The following MFN1 variants were observed in gnomAD, a reference collection of about 807,000 sequenced individuals.
The protein encoded by MFN1 is mitofusin 1.
A neutral mutation model predicts 92.4 loss-of-function variants in MFN1; 65 were observed. That is an observed-to-expected ratio of 0.70 (90% CI 0.58 to 0.86). The LOEUF is 0.86. Among genes scored for constraint, MFN1 ranks in the 40% least tolerant of loss-of-function variants. MFN1 has a pLI of 0.00. For missense variants in MFN1, 781 were observed against 868.0 expected (o/e 0.90, Z 1.26); for synonymous variants, 297 against 300.9 (o/e 0.99, Z 0.13).
chr3:179,375,266 C>CT lies in MFN1; in HGVS notation c.1023dup (p.Ile342TyrfsTer4), dbSNP rs1203510574. On this transcript the variant is annotated frameshift_variant, in exon 10 of 18. Transcript: ENST00000471841. LOFTEE classifies it high-confidence loss of function. ...GTGAAAACAAAGTTCGAACAGCACA[C>CT]TATCAGAGCTAAACAGATACTAGCT... 1 of 1,613,804 alleles carries CT rather than the reference C, an allele frequency of 6.2e-7. No individual in the cohort carries two copies. The highest frequency in any genetic ancestry group is 8.5e-7 in the Non-Finnish European group (1 of 1,179,942).
intron 5 of MFN1, 37 bp from the exon 6 acceptor site, chr3:179,364,260 A>C (rs1341728675): frequency 4.2e-6 from 6 of 1,422,200 alleles, no homozygotes; most frequent in Middle Eastern, 2.5e-4. Flanking sequence ...TTTTCTTTTT[A>C]AGAAATATAA....
At chr3:179,390,233 C>CTT in intron 17 of MFN1, 95 bp downstream of exon 17, 1 of 1,058,414 alleles carries the variant, frequency 9.4e-7, no homozygotes, top group Non-Finnish European at 1.3e-6. Flanking sequence ...TTCCTAATAG[C>CTT]TTTTTGTGTT....
intron 2 of MFN1, among the ~76,000 whole-genome samples, chr3:179,350,129 G>A (rs1462981031): frequency 6.6e-6 from 1 of 151,440 alleles, no homozygotes; most frequent in Non-Finnish European, 1.5e-5. Context: ...TCCAGCCTGG[G>A]TGACAGAGTG....
At chr3:179,376,942 T>C in intron 10 of MFN1, 100 bp from the exon 11 acceptor site, 1 of 1,134,248 alleles carries the variant, frequency 8.8e-7, no homozygotes, top group Non-Finnish European at 1.2e-6. Flanking sequence ...TTTCCTTGAG[T>C]CATGCTAATA....
intron 4 of MFN1, among the ~76,000 whole-genome samples, chr3:179,360,581 T>C (rs1050555382): frequency 6.6e-6 from 1 of 151,800 alleles, no homozygotes; most frequent in African/African-American, 2.4e-5. Context: ...GAAAAACAAA[T>C]TAGGATGCAA....
chr3:179,383,375 T>C (rs1007037043), intron 14 of MFN1, among the ~76,000 whole-genome samples: 4 of 152,252 alleles, frequency 2.6e-5, no homozygotes, highest in Middle Eastern at 3.4e-3. Flanking sequence ...GATCAGATAG[T>C]TGTAGATGTG....
At chr3:179,374,669 T>TA (rs1713168558) in intron 9 of MFN1, among the ~76,000 whole-genome samples, 1 of 152,104 alleles carries the variant, frequency 6.6e-6, no homozygotes, top group Non-Finnish European at 1.5e-5. Context: ...ATTTTTTCTA[T>TA]AAACAATTTT....
At chr3:179,357,758 A>T (rs765273802) in intron 3 of MFN1, among the ~76,000 whole-genome samples, 2 of 152,178 alleles carry the variant, frequency 1.3e-5, no homozygotes, top group Non-Finnish European at 2.9e-5. Context: ...TAGCAACTTA[A>T]CAGCCATTTT....
At position 179,392,168 on chromosome 3, in the gene MFN1, C is replaced by T. The variant is rs1713928112; in HGVS notation, c.*109C>T. ...TAAATATGAATTGTACTAACTGTAC[C>T]TAAATAGCAAAGCCCTGTGTAGATT... On this transcript the variant is annotated 3_prime_UTR_variant, in exon 18 of 18. Transcript: ENST00000471841. The T allele has an allele frequency of 1.4e-6, 1 of 695,586 alleles. No homozygotes were observed. The highest frequency in any genetic ancestry group is 2.7e-5 in the East Asian group (1 of 37,022). The allele number at this position is 695,586 out of a possible 1,614,324, so 43.1% of individuals were successfully genotyped here. A position where few individuals can be genotyped will look rare whatever the true frequency, so the allele number is the denominator to read the frequency against.
chr3:179,359,300 T>A (rs1333014847), intron 4 of MFN1, among the ~76,000 whole-genome samples: 1 of 151,250 alleles, frequency 6.6e-6, no homozygotes, highest in Non-Finnish European at 1.5e-5. Context: ...TTTGTATTTT[T>A]AGTAGAGATG....
At chr3:179,385,744 T>A in intron 15 of MFN1, 23 bp downstream of exon 15, 1 of 1,608,422 alleles carries the variant, frequency 6.2e-7, no homozygotes, top group Non-Finnish European at 8.5e-7. Flanking sequence ...ACTTTTAGTA[T>A]AATTAAAATC....
intron 16 of MFN1, among the ~76,000 whole-genome samples, chr3:179,387,584 C>CTTTTTT (rs769878779): frequency 4.9e-5 from 4 of 82,258 alleles, no homozygotes; most frequent in East Asian, 5.2e-4. Flanking sequence ...TTTGTGGTTT[C>CTTTTTT]TTTTTTTTTT....
At chr3:179,371,166 A>T (rs1414881387) in intron 9 of MFN1, among the ~76,000 whole-genome samples, 1 of 152,238 alleles carries the variant, frequency 6.6e-6, no homozygotes, top group African/African-American at 2.4e-5. Flanking sequence ...TTAGAATACT[A>T]ATTTAAGCAA....
At chr3:179,374,038 C>A (rs1713124527) in intron 9 of MFN1, among the ~76,000 whole-genome samples, 1 of 151,380 alleles carries the variant, frequency 6.6e-6, no homozygotes, top group Non-Finnish European at 1.5e-5. Context: ...CGTGGTGGCT[C>A]ACTCTTGTAA....
Position 179,377,004 on chromosome 3 carries a change from A to G in MFN1, c.1098-38A>G, listed in dbSNP as rs1254534916. On this transcript the variant is annotated intron_variant, in intron 10 of 17. Transcript: ENST00000471841. ...TTGCTGAAATGCTTTAGGACTTCAG[A>G]CTACCCTGAACGTTGATTACTCTTT... The G allele has an allele frequency of 2.5e-6, 4 of 1,604,654 alleles. No homozygotes were observed. The African/African-American group carries it at 4.0e-5, about 16-fold the overall frequency.
chr3:179,362,373 G>A lies in MFN1; in HGVS notation c.427G>A (p.Ala143Thr). The change falls in exon 5 of 18, where the codon GCC (alanine) becomes ACC (threonine). Residue 143 changes from alanine to threonine, a missense_variant. Ala to Thr is a moderately conservative substitution (Grantham distance 58). Coordinates refer to ENST00000471841, the MANE Select transcript of MFN1 (RefSeq NM_033540.3). ...CCTGCTTTAGACAGTTAATCAACTG[G>A]CCCATGCCCTTCACATGGACAAAGA... ...KKSVKTVNQL[A>T]HALHMDKDLK... 1 of 1,610,516 alleles carries A rather than the reference G, an allele frequency of 6.2e-7. No homozygotes were observed. Among genetic ancestry groups the A allele is most frequent in the Non-Finnish European group, 8.5e-7 (1 of 1,178,940 alleles).
intron 8 of MFN1, 115 bp downstream of exon 8, chr3:179,367,707 G>C (rs1157559632): frequency 1.1e-6 from 1 of 873,558 alleles, no homozygotes. Flanking sequence ...GGCGGATCAT[G>C]AGGTCAGGAG....
chr3:179,374,966 G>A (rs1713181513), intron 9 of MFN1, among the ~76,000 whole-genome samples: 1 of 152,066 alleles, frequency 6.6e-6, no homozygotes, highest in African/African-American at 2.4e-5. Flanking sequence ...TTTTTTTAAT[G>A]TTAGAGTCAA....
rs1340433641 is a variant in MFN1, at chr3:179,389,989, A to C, written c.2013-15A>C. 6.3e-7 allele frequency: 1 copy of C among 1,592,096 alleles called. No homozygotes were observed. Among genetic ancestry groups the C allele is most frequent in the Admixed American group, 1.8e-5 (1 of 54,550 alleles). On this transcript the variant is annotated splice_polypyrimidine_tract_variant and intron_variant, in intron 16 of 17. Transcript: ENST00000471841. ...TTGAAGACATTTATGACTGCTTCTAAATTTTTATTTTAAGACAAATAGCTA... is the reference window on the plus strand; with the variant it reads ...TTGAAGACATTTATGACTGCTTCTACATTTTTATTTTAAGACAAATAGCTA...
Sources: gnomAD v4.1 joint callset for allele counts (sites outside exome capture counted in the v4.1 genomes callset) on GRCh38, gnomAD v4.1.1 for gene constraint, MANE v1.5 for transcripts, NCBI Gene and HGNC (gene_info 2026-07-23, HGNC 2026-07-21) for gene names.